PDE10A: variants seen among roughly 807,000 people sequenced by gnomAD.
The protein encoded by PDE10A is cAMP and cAMP-inhibited cGMP 3',5'-cyclic phosphodiesterase 10A.
PDE10A carries 39 observed loss-of-function variants against 97.7 expected under a neutral mutation model. That is an observed-to-expected ratio of 0.40 (90% confidence interval 0.31 to 0.52). The LOEUF is 0.52. Among genes scored for constraint, PDE10A ranks in the 20% least tolerant of loss-of-function variants. The probability of loss-of-function intolerance (pLI) is 0.56; values close to 1 mark genes in which losing one functional copy is unlikely to be tolerated. For missense variants in PDE10A, 731 were observed against 1,047.8 expected (o/e 0.70, Z 4.17); for synonymous variants, 371 against 376.8 (o/e 0.98, Z 0.18).
At chr6:165,965,680 C>T (rs114357689) in intron 1 of PDE10A, among the ~76,000 whole-genome samples, 2,590 of 152,260 alleles carry the variant, frequency 0.017, 71 homozygotes, top group African/African-American at 0.058. Flanking sequence ...ATCCTTGCAA[C>T]TAAAAAACTG....
intron 1 of PDE10A, chr6:165,986,509 C>T (rs1328524438): frequency 9.3e-6 from 1 of 108,088 alleles, no homozygotes; most frequent in Non-Finnish European, 2.0e-5. Flanking sequence ...GCCTCTCTCT[C>T]TCTGTCTCTC....
At chr6:165,836,248 C>T (rs1226811635) in intron 1 of PDE10A, among the ~76,000 whole-genome samples, 1 of 152,240 alleles carries the variant, frequency 6.6e-6, no homozygotes, top group African/African-American at 2.4e-5. Flanking sequence ...CACAACCCTA[C>T]ACACGAGTCT....
In PDE10A at chr6:165,435,322, G is replaced by A; in HGVS notation, c.1250C>T (p.Pro417Leu). The change falls in exon 6 of 22, where the codon CCT becomes CTT. Residue 417 changes from proline (P) to leucine (L), a missense_variant. By Grantham distance (98) the Pro-to-Leu change is moderately conservative. Coordinates refer to ENST00000539869, the MANE Select transcript of PDE10A (RefSeq NM_001385079.1). ...GGTGCCCTGAGTGATGGGCCCAGCA[G>A]GGATGAGGCGGGGTTTTCCTTCCTT... ...GIKEGKPRLI[P>L]AGPITQGTTV... 6.2e-7 allele frequency: 1 copy of A among 1,614,046 alleles called. No homozygotes were observed. The highest frequency in any genetic ancestry group is 8.5e-7 in the Non-Finnish European group (1 of 1,179,906).
intron 1 of PDE10A, among the ~76,000 whole-genome samples, chr6:165,731,312 C>T (rs1792430965): frequency 1.3e-5 from 2 of 152,116 alleles, no homozygotes; most frequent in African/African-American, 2.4e-5. Context: ...GGGGAAAGTG[C>T]TATGGAAAAA....
chr6:165,683,592 G>A (rs1007873217), intron 1 of PDE10A, among the ~76,000 whole-genome samples: 2 of 152,146 alleles, frequency 1.3e-5, no homozygotes, highest in African/African-American at 4.8e-5. Flanking sequence ...TAAGTGCCGT[G>A]TTTTATCACA....
At chr6:165,405,665 G>A (rs1428243791) in intron 13 of PDE10A, among the ~76,000 whole-genome samples, 1 of 152,150 alleles carries the variant, frequency 6.6e-6, no homozygotes, top group East Asian at 1.9e-4. Flanking sequence ...ACTTCCCCAA[G>A]GTCAGAATGT....
chr6:165,977,482 A>T (rs1295512396), intron 1 of PDE10A, among the ~76,000 whole-genome samples: 3 of 152,234 alleles, frequency 2.0e-5, no homozygotes, highest in African/African-American at 4.8e-5. Context: ...ACCAAATTCA[A>T]CATCCATGGT....
At chr6:165,458,126 T>C (rs551732529) in intron 3 of PDE10A, among the ~76,000 whole-genome samples, 1 of 152,346 alleles carries the variant, frequency 6.6e-6, no homozygotes, top group South Asian at 2.1e-4. Flanking sequence ...TTTTATATTA[T>C]TCCTTTGTTC....
chr6:165,446,477 A>G (rs1790856065), intron 5 of PDE10A, among the ~76,000 whole-genome samples: 1 of 152,254 alleles, frequency 6.6e-6, no homozygotes, highest in South Asian at 2.1e-4. Flanking sequence ...ACAAGGCCTT[A>G]GCTATCTAGG....
intron 13 of PDE10A, among the ~76,000 whole-genome samples, chr6:165,400,880 A>T (rs1490441086): frequency 6.6e-6 from 1 of 152,252 alleles, no homozygotes; most frequent in Admixed American, 6.5e-5. Context: ...CTAAGTAATA[A>T]AGAGGAATTA....
chr6:165,925,131 G>A (rs569218254), intron 1 of PDE10A, among the ~76,000 whole-genome samples: 6 of 152,290 alleles, frequency 3.9e-5, no homozygotes, highest in African/African-American at 1.4e-4. Context: ...TGACAAATAA[G>A]CACATGAGAA....
chr6:165,458,209 A>C (rs997461110), intron 3 of PDE10A, among the ~76,000 whole-genome samples: 2 of 152,186 alleles, frequency 1.3e-5, no homozygotes, highest in Non-Finnish European at 2.9e-5. Context: ...TATTACAAGA[A>C]TAGTACAAGA....
chr6:165,968,203 T>C (rs1040741077), intron 1 of PDE10A, among the ~76,000 whole-genome samples: 2 of 152,202 alleles, frequency 1.3e-5, no homozygotes, highest in South Asian at 2.1e-4. Context: ...AGATGACTCA[T>C]CAAGAGGCAT....
At chr6:165,565,332 G>T (rs1316949092) in intron 1 of PDE10A, among the ~76,000 whole-genome samples, 2 of 152,012 alleles carry the variant, frequency 1.3e-5, no homozygotes, top group Non-Finnish European at 2.9e-5. Context: ...TGAAATTAAA[G>T]GCACAATATC....
At chr6:165,954,913 C>T (rs1047958605) in intron 1 of PDE10A, among the ~76,000 whole-genome samples, 1 of 152,090 alleles carries the variant, frequency 6.6e-6, no homozygotes, top group African/African-American at 2.4e-5. Flanking sequence ...AAGCAACAGG[C>T]TTTGTTATTG....
intron 1 of PDE10A, among the ~76,000 whole-genome samples, chr6:165,632,957 C>A (rs897529849): frequency 8.6e-5 from 13 of 151,848 alleles, no homozygotes; most frequent in Non-Finnish European, 1.9e-4. Flanking sequence ...ATGGAGGGGG[C>A]ATGATTAAAG....
intron 1 of PDE10A, among the ~76,000 whole-genome samples, chr6:165,943,940 G>A (rs1783672128): frequency 6.6e-6 from 1 of 152,124 alleles, no homozygotes. Context: ...CTTCCCTTCT[G>A]TATTAGTCTG....
rs1790310846 is a variant in PDE10A, at chr6:165,662,208, CCTGGAGCGCAGG to C, written c.592_603del (p.Pro198_Gln201del). 4.9e-6 allele frequency: 1 copy of C among 204,796 alleles called. No individual in the cohort carries two copies. The highest frequency in any genetic ancestry group is 2.4e-5 in the African/African-American group (1 of 42,090). The allele number at this position is 204,796 out of a possible 1,614,324, so 12.7% of individuals were successfully genotyped here. ...CCGGCACGGGCTGGAAGCAGCAAGC[CCTGGAGCGCAGG>C]CGAGAGGAAGAGCCGCCGCCGCCCG... On this transcript the variant is annotated inframe_deletion, in exon 1 of 22. Coordinates refer to ENST00000539869, the MANE Select transcript of PDE10A (RefSeq NM_001385079.1).
intron 17 of PDE10A, among the ~76,000 whole-genome samples, chr6:165,387,540 C>A (rs999306179): frequency 6.6e-6 from 1 of 152,236 alleles, no homozygotes; most frequent in African/African-American, 2.4e-5. Context: ...TGGCCAGTTA[C>A]TGGCAGAGTC....
Sources: gnomAD v4.1 joint callset for allele counts (sites outside exome capture counted in the v4.1 genomes callset) on GRCh38, gnomAD v4.1.1 for gene constraint, MANE v1.5 for transcripts, NCBI Gene and HGNC (gene_info 2026-07-23, HGNC 2026-07-21) for gene names.